The following IGF1R variants were observed in gnomAD, a reference collection of about 807,000 sequenced individuals.
The protein encoded by IGF1R is insulin like growth factor 1 receptor, also known as insulin-like growth factor 1 receptor.
A neutral mutation model predicts 144.6 loss-of-function variants in IGF1R; 44 were observed. That is an observed-to-expected ratio of 0.30 (90% CI 0.24 to 0.39). The LOEUF is 0.39. IGF1R is among the 10% of genes least tolerant of loss of function. The pLI is 1.00. For synonymous variants in IGF1R, 795 were observed against 722.8 expected (o/e 1.10, Z -1.60); for missense variants, 1,355 against 1,833.7 (o/e 0.74, Z 4.77).
intron 17 of IGF1R, among the ~76,000 whole-genome samples, chr15:98,938,264 G>T (rs2016233909): frequency 6.6e-6 from 1 of 152,258 alleles, no homozygotes; most frequent in Non-Finnish European, 1.5e-5. Flanking sequence ...CGGCCTGCAA[G>T]TGTGGGACCT....
chr15:98,908,005 G>A (rs1441800444), intron 5 of IGF1R, among the ~76,000 whole-genome samples: 2 of 152,266 alleles, frequency 1.3e-5, no homozygotes, highest in Admixed American at 6.5e-5. Flanking sequence ...TTGCAAACAA[G>A]CTTTGTGCAC....
At chr15:98,888,438 A>AGAGAGAGTGT (rs1555457179) in intron 2 of IGF1R, among the ~76,000 whole-genome samples, 5,470 of 143,382 alleles carry the variant, frequency 0.038, 163 homozygotes, top group African/African-American at 0.07. Flanking sequence ...AGAGAGAGAG[A>AGAGAGAGTGT]GTGTGTGTGT....
At chr15:98,909,702 T>G (rs1303927270) in intron 6 of IGF1R, among the ~76,000 whole-genome samples, 1 of 152,208 alleles carries the variant, frequency 6.6e-6, no homozygotes, top group Non-Finnish European at 1.5e-5. Context: ...TTCCTGTCCC[T>G]TACACTCGGC....
intron 2 of IGF1R, among the ~76,000 whole-genome samples, chr15:98,832,037 T>C (rs913396198): frequency 1.3e-5 from 2 of 152,178 alleles, no homozygotes; most frequent in Non-Finnish European, 2.9e-5. Flanking sequence ...AAGAGTGCCA[T>C]GTTTGGGACG....
At position 98,919,423 on chromosome 15, in the gene IGF1R, C is replaced by T. The variant is rs575384531; in HGVS notation, c.2201+2547C>T. On this transcript the variant is annotated intron_variant, in intron 10 of 20. Coordinates refer to ENST00000650285, the MANE Select transcript of IGF1R (RefSeq NM_000875.5). ...CCAGCAGGAGGTTCGGGTTGTGAGT[C>T]AAGGTTTTGGAAAGATTTTGCTGAA... is the stretch of plus-strand genomic sequence containing the variant. 6.6e-5 allele frequency among the ~76,000 whole-genome samples: 10 copies of T among 152,276 alleles called. No individual in the cohort carries two copies. The East Asian group carries it at 1.5e-3, about 24-fold the overall frequency.
At chr15:98,663,812 T>A (rs1001132051) in intron 1 of IGF1R, among the ~76,000 whole-genome samples, 1 of 152,200 alleles carries the variant, frequency 6.6e-6, no homozygotes, top group Non-Finnish European at 1.5e-5. Context: ...CTCTTTCCAG[T>A]CCTTACCATG....
At chr15:98,816,210 C>G (rs2056693318) in intron 2 of IGF1R, among the ~76,000 whole-genome samples, 1 of 152,314 alleles carries the variant, frequency 6.6e-6, no homozygotes, top group African/African-American at 2.4e-5. Context: ...CTTTGAGGTT[C>G]CAGCAGCCAG....
intron 2 of IGF1R, among the ~76,000 whole-genome samples, chr15:98,772,547 AGCACAGTG>A (rs2055614691): frequency 6.8e-6 from 1 of 148,128 alleles, no homozygotes; most frequent in Admixed American, 6.8e-5. Flanking sequence ...GCCAGGCTGG[AGCACAGTG>A]GCACAATCAT....
intron 5 of IGF1R, among the ~76,000 whole-genome samples, chr15:98,901,104 G>A (rs1459905726): frequency 6.6e-6 from 1 of 152,174 alleles, no homozygotes; most frequent in Non-Finnish European, 1.5e-5. Context: ...TATTTATGAT[G>A]TCTTTCTCAT....
At chr15:98,875,829 C>T (rs992037407) in intron 2 of IGF1R, among the ~76,000 whole-genome samples, 7 of 152,178 alleles carry the variant, frequency 4.6e-5, no homozygotes, top group South Asian at 2.1e-4. Flanking sequence ...ACTCTCTAAG[C>T]GTGACCTCCT....
chr15:98,654,342 TAGG>T (rs1418286684), intron 1 of IGF1R, among the ~76,000 whole-genome samples: 1 of 152,154 alleles, frequency 6.6e-6, no homozygotes, highest in Non-Finnish European at 1.5e-5. Context: ...TTCCAAAAAT[TAGG>T]AGTCACAGGT....
intron 2 of IGF1R, among the ~76,000 whole-genome samples, chr15:98,873,276 C>G (rs1012586994): frequency 6.6e-6 from 1 of 152,066 alleles, no homozygotes; most frequent in Admixed American, 6.6e-5. Context: ...TTCACTGATA[C>G]TTTTTTTCAA....
chr15:98,788,197 T>C (rs1294998589), intron 2 of IGF1R, among the ~76,000 whole-genome samples: 2 of 152,142 alleles, frequency 1.3e-5, no homozygotes, highest in Admixed American at 6.5e-5. Flanking sequence ...GGGTAGACTC[T>C]AATCTGAAAG....
intron 2 of IGF1R, among the ~76,000 whole-genome samples, chr15:98,762,949 C>T (rs758349593): frequency 1.3e-5 from 2 of 149,360 alleles, no homozygotes; most frequent in East Asian, 2.0e-4. Flanking sequence ...AGGAGGCTGA[C>T]GCAGGAGAAT....
chr15:98,876,018 T>C (rs1020859427), intron 2 of IGF1R, among the ~76,000 whole-genome samples: 1 of 152,184 alleles, frequency 6.6e-6, no homozygotes, highest in Non-Finnish European at 1.5e-5. Flanking sequence ...TGATGTTGGG[T>C]GGGCCAGCAG....
At chr15:98,832,049 C>T (rs374995409) in intron 2 of IGF1R, among the ~76,000 whole-genome samples, 2 of 152,248 alleles carry the variant, frequency 1.3e-5, no homozygotes, top group Admixed American at 6.5e-5. Context: ...TTTGGGACGC[C>T]TCAACACTGG....
chr15:98,817,574 A>G lies in IGF1R; in HGVS notation c.641-73751A>G, dbSNP rs147547896. ...TGGAAGGTCCAGCCATGGGAAGTTC[A>G]GGAGAAAGGATAAGAAGAAAAAGCT... On this transcript the variant is annotated intron_variant, in intron 2 of 20. Coordinates refer to ENST00000650285, the MANE Select transcript of IGF1R (RefSeq NM_000875.5). Among the ~76,000 whole-genome samples the G allele has an allele frequency of 4.5e-4, 68 of 152,240 alleles. No homozygotes were observed. The East Asian group carries it at 0.012, about 27-fold the overall frequency.
At chr15:98,693,570 C>A (rs1330505379) in intron 1 of IGF1R, among the ~76,000 whole-genome samples, 4 of 152,144 alleles carry the variant, frequency 2.6e-5, no homozygotes, top group African/African-American at 9.7e-5. Context: ...GTCTCCACCT[C>A]CCAGGGATGT....
At chr15:98,812,867 G>A (rs1023682228) in intron 2 of IGF1R, among the ~76,000 whole-genome samples, 5 of 152,160 alleles carry the variant, frequency 3.3e-5, no homozygotes, top group African/African-American at 1.2e-4. Flanking sequence ...GACTCCAGAG[G>A]AGCTGCCTTC....
Sources: gnomAD v4.1 joint callset for allele counts (sites outside exome capture counted in the v4.1 genomes callset) on GRCh38, gnomAD v4.1.1 for gene constraint, MANE v1.5 for transcripts, NCBI Gene and HGNC (gene_info 2026-07-23, HGNC 2026-07-21) for gene names.